The following PLA2G10 variants were observed in gnomAD, a reference collection of about 807,000 sequenced individuals.
The protein encoded by PLA2G10 is phospholipase A2 group X.
Under a neutral mutation model 7.9 loss-of-function variants are expected in PLA2G10, and 9 were observed. That is an observed-to-expected ratio of 1.14 (90% CI 0.68 to 1.98). The LOEUF is 1.98. PLA2G10 is among the 30% of genes most tolerant of loss of function. The pLI, the probability that PLA2G10 is intolerant of heterozygous loss-of-function variation, is 0.00. For synonymous variants in PLA2G10, 19 were observed against 27.5 expected (o/e 0.69, Z 0.97); for missense variants, 53 against 65.4 (o/e 0.81, Z 0.66).
chr16:14,687,433 G>T (rs538613669), intron 3 of PLA2G10, among the ~76,000 whole-genome samples: 4 of 150,640 alleles, frequency 2.7e-5, no homozygotes, highest in Non-Finnish European at 5.9e-5. Flanking sequence ...GGCTTCAAGC[G>T]ATCCTCCCAC....
chr16:14,679,585 G>A lies in PLA2G10; in HGVS notation c.356-6836C>T, dbSNP rs556337342. 1.3e-4 allele frequency among the ~76,000 whole-genome samples: 20 copies of A among 149,802 alleles called. No individual in the cohort carries two copies. The East Asian group carries it at 2.3e-3, about 18-fold the overall frequency. ...TGAGGCAGGAGAATCACTTGAACTCGGGAGACGGAGGTTGCAGTGAGCCGA... is the reference window on the plus strand; with the variant it reads ...TGAGGCAGGAGAATCACTTGAACTCAGGAGACGGAGGTTGCAGTGAGCCGA... On this transcript the variant is annotated intron_variant, in intron 3 of 3. Transcript: ENST00000438167.
chr16:14,680,522 C>T (rs1960861255), intron 3 of PLA2G10, among the ~76,000 whole-genome samples: 1 of 152,114 alleles, frequency 6.6e-6, no homozygotes, highest in Non-Finnish European at 1.5e-5. Context: ...TCCCGAGTAG[C>T]TGGAACTACA....
intron 3 of PLA2G10, among the ~76,000 whole-genome samples, chr16:14,679,064 G>A (rs966120206): frequency 5.3e-5 from 8 of 151,892 alleles, no homozygotes; most frequent in Non-Finnish European, 1.2e-4. Flanking sequence ...TGGTGTCTCC[G>A]GGAGACTTTC....
At chr16:14,684,071 T>G (rs1311927509) in intron 3 of PLA2G10, among the ~76,000 whole-genome samples, 1 of 151,820 alleles carries the variant, frequency 6.6e-6, no homozygotes, top group Non-Finnish European at 1.5e-5. Flanking sequence ...TACAAAAAGT[T>G]TAAAAATGGC....
rs1261992874 is a variant in PLA2G10 at position 14,672,661 on chromosome 16, C to CT, written c.443dup (p.Tyr149ValfsTer10). 6.2e-7 allele frequency: 1 copy of CT among 1,614,060 alleles called. No individual in the cohort carries two copies. Among genetic ancestry groups the CT allele is most frequent in the South Asian group, 1.1e-5 (1 of 91,080 alleles). ...ATAGGAACTGGGGGTAGAAGAGGTA[C>CT]TTTAAGTTGTACTCAGTTTGGGCTA... On this transcript the variant is annotated frameshift_variant, in exon 4 of 4. Transcript: ENST00000438167. LOFTEE classifies it high-confidence loss of function.
At chr16:14,687,447 A>T (rs1961118154) in intron 3 of PLA2G10, among the ~76,000 whole-genome samples, 1 of 150,526 alleles carries the variant, frequency 6.6e-6, no homozygotes, top group South Asian at 2.1e-4. Context: ...CTCCCACCTC[A>T]GCCTCCCAAG....
intron 3 of PLA2G10, among the ~76,000 whole-genome samples, chr16:14,673,678 A>T (rs1200682023): frequency 6.6e-6 from 1 of 152,000 alleles, no homozygotes. Flanking sequence ...CCATAATAAT[A>T]TTTTTTTTAA....
intron 3 of PLA2G10, among the ~76,000 whole-genome samples, chr16:14,686,387 G>C (rs551451419): frequency 2.0e-4 from 30 of 152,252 alleles, no homozygotes; most frequent in Non-Finnish European, 3.2e-4. Flanking sequence ...CGAAACTCAA[G>C]CCTTATCTGC....
chr16:14,682,217 A>C (rs1051452258), intron 3 of PLA2G10, among the ~76,000 whole-genome samples: 8 of 152,196 alleles, frequency 5.3e-5, no homozygotes, highest in African/African-American at 1.9e-4. Flanking sequence ...TTATATCATC[A>C]TATTAATTCA....
chr16:14,681,735 A>G (rs921448450), intron 3 of PLA2G10, among the ~76,000 whole-genome samples: 12 of 151,928 alleles, frequency 7.9e-5, no homozygotes, highest in Non-Finnish European at 7.3e-5. Context: ...TCCAAAATGC[A>G]TAATAGATAT....
At position 14,672,644 on chromosome 16, in the gene PLA2G10, TG is replaced by T; in HGVS notation, c.460del (p.Gln154SerfsTer31). On this transcript the variant is annotated frameshift_variant, in exon 4 of 4. Transcript: ENST00000438167. LOFTEE classifies it high-confidence loss of function. ...EYNLKYLFYP[Q>X]FLCEPDSPKC... ...GGGCGAGTCCGGCTCACATAGGAAC[TG>T]GGGGTAGAAGAGGTACTTTAAGTTG... 4.3e-6 allele frequency: 7 copies of T among 1,614,086 alleles called. No homozygotes were observed. The highest frequency in any genetic ancestry group is 5.9e-6 in the Non-Finnish European group (7 of 1,179,968).
At chr16:14,677,901 G>T (rs935435557) in intron 3 of PLA2G10, among the ~76,000 whole-genome samples, 1 of 151,604 alleles carries the variant, frequency 6.6e-6, no homozygotes, top group Non-Finnish European at 1.5e-5. Context: ...ATGGATAGAT[G>T]GAAGAATGAA....
chr16:14,681,414 C>T (rs746233123), intron 3 of PLA2G10, among the ~76,000 whole-genome samples: 5 of 152,112 alleles, frequency 3.3e-5, no homozygotes, highest in African/African-American at 7.2e-5. Context: ...GACCCAACAA[C>T]GCCTCTGCTT....
Position 14,675,186 on chromosome 16 carries a change from AAC to A in PLA2G10, c.356-2439_356-2438del, listed in dbSNP as rs1485868863. Among the ~76,000 whole-genome samples the A allele has an allele frequency of 3.9e-5, 6 of 152,020 alleles. No homozygotes were observed. In the East Asian group the frequency reaches 1.2e-3, roughly 29 times the overall value. On this transcript the variant is annotated intron_variant, in intron 3 of 3. Transcript: ENST00000438167. ...AACTCCATCTCAAAAAAAAAAAAAAAACACTCAAAAACATAAATTGGGGAAAT... is the reference window on the plus strand; with the variant it reads ...AACTCCATCTCAAAAAAAAAAAAAAAACTCAAAAACATAAATTGGGGAAAT...
rs778179831 is a variant in PLA2G10, at chr16:14,672,604, TAGTC to T, written c.497_*2del. Reference sequence around the variant, plus strand: ...TGCAAAAGAGCATTTCAAGTCAAGGTAGTCAGTCACACTTGGGCGAGTCCGGCTC... The same window carrying T: ...TGCAAAAGAGCATTTCAAGTCAAGGTAGTCACACTTGGGCGAGTCCGGCTC... On this transcript the variant is annotated stop_lost and 3_prime_UTR_variant, in exon 4 of 4. Coordinates refer to ENST00000438167, the MANE Select transcript of PLA2G10 (RefSeq NM_003561.3). The T allele has an allele frequency of 1.3e-5, 21 of 1,613,608 alleles. No homozygotes were observed. The highest frequency in any genetic ancestry group is 3.3e-5 in the Admixed American group (2 of 59,924).
intron 3 of PLA2G10, among the ~76,000 whole-genome samples, chr16:14,679,528 C>T (rs745473503): frequency 3.5e-4 from 53 of 152,014 alleles, no homozygotes; most frequent in South Asian, 1.0e-3. Flanking sequence ...GGTGTGGTGG[C>T]ACATGCCTGT....
At chr16:14,683,380 A>G (rs886677338) in intron 3 of PLA2G10, among the ~76,000 whole-genome samples, 1 of 151,544 alleles carries the variant, frequency 6.6e-6, no homozygotes, top group Non-Finnish European at 1.5e-5. Context: ...CTACAGGAGC[A>G]TGCTGCCACA....
intron 3 of PLA2G10, chr16:14,678,606 C>A: frequency 3.5e-6 from 1 of 285,428 alleles, no homozygotes; most frequent in Middle Eastern, 1.3e-3. Flanking sequence ...TCCATCTCTA[C>A]TAAAAGTACA....
intron 3 of PLA2G10, among the ~76,000 whole-genome samples, chr16:14,673,766 C>G (rs1272528524): frequency 3.3e-5 from 5 of 152,086 alleles, no homozygotes; most frequent in Admixed American, 3.3e-4. Context: ...ATGACAAACC[C>G]ATAGCCCACA....
Sources: gnomAD v4.1 joint callset for allele counts (sites outside exome capture counted in the v4.1 genomes callset) on GRCh38, gnomAD v4.1.1 for gene constraint, MANE v1.5 for transcripts, NCBI Gene and HGNC (gene_info 2026-07-23, HGNC 2026-07-21) for gene names.